MAGI1: variants seen among roughly 807,000 people sequenced by gnomAD.
The protein encoded by MAGI1 is membrane-associated guanylate kinase, WW and PDZ domain-containing protein 1.
A neutral mutation model predicts 139.9 loss-of-function variants in MAGI1; 58 were observed. That is an observed-to-expected ratio of 0.41 (90% CI 0.34 to 0.52). The LOEUF (loss-of-function observed/expected upper bound fraction) is 0.52. Ranked by LOEUF, MAGI1 falls within the 20% of genes least tolerant of loss-of-function variation. The probability of loss-of-function intolerance (pLI) is 0.12; values close to 1 mark genes in which losing one functional copy is unlikely to be tolerated. For synonymous variants in MAGI1, 812 were observed against 737.9 expected, an observed-to-expected ratio of 1.10 and a Z score of -1.63; for missense variants, 1,874 against 1,901.6, an observed-to-expected ratio of 0.99 and a Z score of 0.27.
At chr3:65,429,415 T>C in intron 12 of MAGI1, 105 bp downstream of exon 12, 2 of 1,200,554 alleles carry the variant, frequency 1.7e-6, no homozygotes, top group Non-Finnish European at 2.3e-6. Context: ...TTTTGAAACA[T>C]TTAAATAAAT....
At chr3:65,971,289 G>A (rs1436113482) in intron 1 of MAGI1, among the ~76,000 whole-genome samples, 1 of 152,212 alleles carries the variant, frequency 6.6e-6, no homozygotes, top group African/African-American at 2.4e-5. Context: ...TGAAGAAGGT[G>A]GGTCCAATGT....
chr3:65,632,486 C>A (rs1309989237), intron 1 of MAGI1, among the ~76,000 whole-genome samples: 1 of 152,108 alleles, frequency 6.6e-6, no homozygotes, highest in Non-Finnish European at 1.5e-5. Context: ...ACTAAAAAAA[C>A]AAAAACTCTC....
intron 1 of MAGI1, among the ~76,000 whole-genome samples, chr3:65,696,990 G>C (rs1311674767): frequency 6.6e-6 from 1 of 152,090 alleles, no homozygotes; most frequent in African/African-American, 2.4e-5. Flanking sequence ...GACTAATAAA[G>C]AAGAAAAGAG....
At chr3:65,524,143 G>A (rs927528757) in intron 2 of MAGI1, among the ~76,000 whole-genome samples, 1 of 152,186 alleles carries the variant, frequency 6.6e-6, no homozygotes, top group African/African-American at 2.4e-5. Flanking sequence ...TGGTCTTTGG[G>A]AAAGTTTTGA....
At position 65,500,146 on chromosome 3, in the gene MAGI1, C is replaced by T. The variant is rs764778202; in HGVS notation, c.431-6515G>A. Among the ~76,000 whole-genome samples the T allele has an allele frequency of 2.6e-5, 4 of 152,076 alleles. No individual in the cohort carries two copies. The East Asian group carries it at 5.8e-4, about 22-fold the overall frequency. On this transcript the variant is annotated intron_variant, in intron 2 of 22. Coordinates refer to ENST00000402939, the MANE Select transcript of MAGI1 (RefSeq NM_001033057.2). ...GTCAACAATACTTTACTTGCCTTACCGATGAATAGGAATATACTACAAGTA... is the reference window on the plus strand; with the variant it reads ...GTCAACAATACTTTACTTGCCTTACTGATGAATAGGAATATACTACAAGTA...
intron 1 of MAGI1, among the ~76,000 whole-genome samples, chr3:65,952,238 T>C (rs1434030787): frequency 6.6e-6 from 1 of 152,184 alleles, no homozygotes; most frequent in Non-Finnish European, 1.5e-5. Flanking sequence ...GTGTGTCTGT[T>C]TGTCAAAGAT....
intron 6 of MAGI1, among the ~76,000 whole-genome samples, chr3:65,451,125 A>T (rs573809036): frequency 1.3e-5 from 2 of 152,346 alleles, no homozygotes; most frequent in East Asian, 3.9e-4. Context: ...ACACAAAAAG[A>T]TAAGAATTTT....
chr3:65,874,379 A>C (rs2108500292), intron 1 of MAGI1: 1 of 152,344 alleles, frequency 6.6e-6, no homozygotes, highest in East Asian at 1.9e-4. Context: ...CACATCTGAT[A>C]AAGGACTTGT....
intron 1 of MAGI1, among the ~76,000 whole-genome samples, chr3:65,772,377 G>A (rs534499019): frequency 1.3e-5 from 2 of 152,224 alleles, no homozygotes; most frequent in South Asian, 2.1e-4. Context: ...CACTGATTCA[G>A]GGGGGACTTG....
rs147407295 is a variant in MAGI1, at chr3:65,916,784, A to AAC, written c.313+121210_313+121211dup. Among the ~76,000 whole-genome samples the AAC allele has an allele frequency of 1.4e-3, 216 of 149,940 alleles. 1 individual carries two copies. The highest frequency in any genetic ancestry group is 5.5e-3 in the East Asian group (28 of 5,108). On this transcript the variant is annotated intron_variant, in intron 1 of 22. Transcript: ENST00000402939. ...TAAGTACATGTATCATACACACACT[A>AAC]ACACACACACACACACATACACACA...
In MAGI1 at chr3:65,493,589, T is replaced by C. The variant is rs749863070; in HGVS notation, c.473A>G (p.Asp158Gly). ...CTCCTTCACAGTCAGAAAGTTATAG[T>C]CCACGCCAGGCACTTCTCCTTCTCT... ...SPREGEVPGVDYNFLTVKEFL... is the reference protein window; with the variant it reads ...SPREGEVPGVGYNFLTVKEFL... Residue 158 changes from aspartate (D) to glycine (G), a missense_variant, in exon 3 of 23, where the codon GAC becomes GGC. By Grantham distance (94) the Asp-to-Gly change is moderately conservative. Around this residue, in one of 5 missense-constraint regions of MAGI1, gnomAD observed 648 missense variants for 598.1 expected, o/e 1.08. Transcript: ENST00000402939. 6.2e-7 allele frequency: 1 copy of C among 1,614,144 alleles called. No homozygotes were observed. Among genetic ancestry groups the C allele is most frequent in the Non-Finnish European group, 8.5e-7 (1 of 1,180,020 alleles).
chr3:65,778,442 AAAT>A (rs1367920884), intron 1 of MAGI1, among the ~76,000 whole-genome samples: 17 of 87,308 alleles, frequency 1.9e-4, no homozygotes, highest in South Asian at 1.5e-3. Context: ...AAAAAAAAAA[AAAT>A]AAATAAATAA....
At chr3:65,923,928 AC>A (rs2062364190) in intron 1 of MAGI1, among the ~76,000 whole-genome samples, 1 of 152,224 alleles carries the variant, frequency 6.6e-6, no homozygotes, top group African/African-American at 2.4e-5. Context: ...GCATCAATGC[AC>A]CTGAATTTTA....
intron 3 of MAGI1, among the ~76,000 whole-genome samples, chr3:65,482,905 G>A (rs1421960776): frequency 2.0e-5 from 3 of 152,180 alleles, no homozygotes; most frequent in Non-Finnish European, 4.4e-5. Context: ...TGTGTCTAAA[G>A]CCAATTCACA....
chr3:65,771,135 C>T (rs879167287), intron 1 of MAGI1, among the ~76,000 whole-genome samples: 2 of 151,668 alleles, frequency 1.3e-5, no homozygotes, highest in Non-Finnish European at 1.5e-5. Flanking sequence ...AGCGAAACCC[C>T]GTCTCTATTA....
At chr3:65,815,835 A>C (rs1575593546) in intron 1 of MAGI1, among the ~76,000 whole-genome samples, 1 of 152,160 alleles carries the variant, frequency 6.6e-6, no homozygotes, top group African/African-American at 2.4e-5. Flanking sequence ...AAGTAACAAA[A>C]GCCTGGACTG....
intron 1 of MAGI1, among the ~76,000 whole-genome samples, chr3:66,001,731 G>A (rs1287136639): frequency 6.6e-6 from 1 of 152,128 alleles, no homozygotes; most frequent in Non-Finnish European, 1.5e-5. Flanking sequence ...TTCCTGTCCA[G>A]TTCATAACAA....
At chr3:65,653,561 C>T (rs1391706522) in intron 1 of MAGI1, among the ~76,000 whole-genome samples, 5 of 152,122 alleles carry the variant, frequency 3.3e-5, no homozygotes, top group African/African-American at 1.2e-4. Flanking sequence ...TTTTGTACTA[C>T]AGGAGTTTAT....
At chr3:65,763,874 C>A (rs970627671) in intron 1 of MAGI1, among the ~76,000 whole-genome samples, 4 of 151,726 alleles carry the variant, frequency 2.6e-5, no homozygotes, top group African/African-American at 9.7e-5. Context: ...AGTTCAAGAC[C>A]AGCCTGGGCA....
Sources: allele counts gnomAD v4.1 joint callset (sites outside exome capture counted in the v4.1 genomes callset), GRCh38; gene constraint gnomAD v4.1.1; regional missense constraint gnomAD v4.1.1; transcripts MANE v1.5; gene names NCBI Gene and HGNC (gene_info 2026-07-23, HGNC 2026-07-21).